The following ARID2 variants were observed in gnomAD, a reference collection of about 807,000 sequenced individuals.
ARID2 encodes the protein AT-rich interactive domain-containing protein 2.
ARID2 carries 32 observed loss-of-function variants against 184.6 expected under a neutral mutation model. The ratio of observed to expected loss-of-function variants is 0.17; its 90% confidence interval spans 0.13 to 0.23. ARID2 has a LOEUF of 0.23. ARID2 is among the 10% of genes least tolerant of loss of function. The pLI is 1.00. For synonymous variants in ARID2, 836 were observed against 772.6 expected, an observed-to-expected ratio of 1.08 and a Z score of -1.36; for missense variants, 1,696 against 2,197.6, an observed-to-expected ratio of 0.77 and a Z score of 4.56.
At chr12:45,785,947 G>A (rs1942189826) in intron 3 of ARID2, among the ~76,000 whole-genome samples, 1 of 152,142 alleles carries the variant, frequency 6.6e-6, no homozygotes, top group Non-Finnish European at 1.5e-5. Flanking sequence ...TGGGAAAATT[G>A]TCTTCCATGA....
In ARID2 at chr12:45,905,026, A is replaced by G; in HGVS notation, c.5456A>G (p.Asn1819Ser). The G allele has an allele frequency of 6.2e-7, 1 of 1,614,038 alleles. No homozygotes were observed. The highest frequency in any genetic ancestry group is 8.5e-7 in the Non-Finnish European group (1 of 1,179,982). ...STLAKCLYEL[N>S]FTVQSKEQEK... is the part of the protein sequence containing the mutation. Reference sequence around the variant, plus strand: ...CTTGCCAAATGCCTTTATGAACTTAATTTTACAGTTCAGAGTAAGGAACAA... The same window carrying G: ...CTTGCCAAATGCCTTTATGAACTTAGTTTTACAGTTCAGAGTAAGGAACAA... Residue 1819 changes from asparagine (N) to serine (S), a missense_variant, in exon 21 of 21, where the codon AAT becomes AGT. By Grantham distance (46) the Asn-to-Ser change is conservative (BLOSUM62 1). Coordinates refer to ENST00000334344, the MANE Select transcript of ARID2 (RefSeq NM_152641.4).
At chr12:45,758,284 C>T (rs909271724) in intron 3 of ARID2, among the ~76,000 whole-genome samples, 1 of 152,154 alleles carries the variant, frequency 6.6e-6, no homozygotes, top group Non-Finnish European at 1.5e-5. Context: ...ATACAACAAG[C>T]TTGTCCAACA....
At chr12:45,782,993 G>A (rs1308040822) in intron 3 of ARID2, among the ~76,000 whole-genome samples, 1 of 151,848 alleles carries the variant, frequency 6.6e-6, no homozygotes, top group African/African-American at 2.4e-5. Flanking sequence ...AGGGGTGGTC[G>A]TGCGCACCTG....
Position 45,837,412 on chromosome 12 carries a change from T to C in ARID2, c.1115T>C (p.Met372Thr). ...ATGTCAAGGGATAGATTTTTAAAGA[T>C]GAGAGGTGAGTTTTCACTGAAGTAT... ...CLMSRDRFLKMRGMEILGNLC... is the reference protein window; with the variant it reads ...CLMSRDRFLKTRGMEILGNLC... The change falls in exon 9 of 21, where the codon ATG becomes ACG. Residue 372 changes from methionine to threonine, a missense_variant. Transcript: ENST00000334344. The C allele has an allele frequency of 6.2e-7, 1 of 1,611,618 alleles. No homozygotes were observed.
intron 3 of ARID2, among the ~76,000 whole-genome samples, chr12:45,776,681 G>A (rs912932234): frequency 1.3e-5 from 2 of 151,826 alleles, no homozygotes; most frequent in Non-Finnish European, 2.9e-5. Flanking sequence ...TGGGCATGGT[G>A]GATCATGCCT....
At chr12:45,769,321 A>G (rs1941826808) in intron 3 of ARID2, among the ~76,000 whole-genome samples, 1 of 152,236 alleles carries the variant, frequency 6.6e-6, no homozygotes, top group Non-Finnish European at 1.5e-5. Context: ...TTTTTTATCA[A>G]ATAGAGAATG....
chr12:45,762,288 G>A (rs894763148), intron 3 of ARID2, among the ~76,000 whole-genome samples: 21 of 152,040 alleles, frequency 1.4e-4, no homozygotes, highest in African/African-American at 5.1e-4. Flanking sequence ...GACATACACC[G>A]AGCTCAGCCA....
intron 3 of ARID2, chr12:45,776,177 A>G (rs1941976117): frequency 1.2e-5 from 2 of 161,132 alleles, no homozygotes; most frequent in South Asian, 2.0e-4. Flanking sequence ...TAGAAATGCA[A>G]ATATTCAGAC....
rs140296789 is a variant in ARID2 at position 45,804,385 on chromosome 12, A to G, written c.285-7033A>G. ...GAGTTTAATTGTTATGAAATTTTCAATATTGAACTATCACTGGACTTCCAC... is the reference window on the plus strand; with the variant it reads ...GAGTTTAATTGTTATGAAATTTTCAGTATTGAACTATCACTGGACTTCCAC... On this transcript the variant is annotated intron_variant, in intron 3 of 20. Coordinates refer to ENST00000334344, the MANE Select transcript of ARID2 (RefSeq NM_152641.4). Among the ~76,000 whole-genome samples, 226 of 152,116 alleles carry G rather than the reference A, an allele frequency of 1.5e-3. 1 individual carries two copies. The highest frequency in any genetic ancestry group is 5.0e-3 in the African/African-American group (207 of 41,512).
intron 15 of ARID2, among the ~76,000 whole-genome samples, chr12:45,856,253 G>C (rs576038964): frequency 2.6e-5 from 4 of 151,278 alleles, no homozygotes; most frequent in African/African-American, 9.7e-5. Flanking sequence ...ATTTTTAATA[G>C]AGACTGGGTT....
Position 45,813,397 on chromosome 12 carries a change from C to A in ARID2, c.418+1846C>A, listed in dbSNP as rs999289486. Among the ~76,000 whole-genome samples the A allele has an allele frequency of 3.0e-4, 44 of 145,250 alleles. 1 individual carries two copies. Among genetic ancestry groups the A allele is most frequent in the Non-Finnish European group, 6.3e-4 (42 of 66,696 alleles). The stretch of plus-strand genomic sequence containing the variant: ...TAAAGCAAATAAGTCATTAATTTTT[C>A]TTTTAATGTGTTATTAAGGAAAATA... On this transcript the variant is annotated intron_variant, in intron 4 of 20. Coordinates refer to ENST00000334344, the MANE Select transcript of ARID2 (RefSeq NM_152641.4).
At chr12:45,776,546 T>C (rs1941983245) in intron 3 of ARID2, among the ~76,000 whole-genome samples, 1 of 152,240 alleles carries the variant, frequency 6.6e-6, no homozygotes, top group African/African-American at 2.4e-5. Context: ...TTTAAAATCC[T>C]GTACTGTGGG....
intron 4 of ARID2, among the ~76,000 whole-genome samples, chr12:45,816,878 G>A (rs1942813121): frequency 6.6e-6 from 1 of 152,198 alleles, no homozygotes; most frequent in African/African-American, 2.4e-5. Context: ...AGTACCTAGT[G>A]GTAGGGGATG....
At chr12:45,807,351 T>C (rs1408458010) in intron 3 of ARID2, among the ~76,000 whole-genome samples, 1 of 152,176 alleles carries the variant, frequency 6.6e-6, no homozygotes, top group Non-Finnish European at 1.5e-5. Context: ...GATCCAAGAA[T>C]AGTCAAGAGT....
At chr12:45,858,410 T>A (rs146204663) in intron 15 of ARID2, among the ~76,000 whole-genome samples, 152 of 152,304 alleles carry the variant, frequency 1.0e-3, no homozygotes, top group African/African-American at 3.5e-3. Flanking sequence ...TCCTTGCTCT[T>A]TAACCCCTCC....
intron 3 of ARID2, among the ~76,000 whole-genome samples, chr12:45,737,461 T>C (rs1941154524): frequency 6.6e-6 from 1 of 151,846 alleles, no homozygotes; most frequent in Non-Finnish European, 1.5e-5. Context: ...TGGTGTCAAT[T>C]AACTTGTTCC....
intron 3 of ARID2, among the ~76,000 whole-genome samples, chr12:45,809,220 CAAT>C (rs1161489931): frequency 2.0e-5 from 3 of 152,208 alleles, no homozygotes; most frequent in African/African-American, 7.2e-5. Flanking sequence ...AACCATTCCA[CAAT>C]GAGTTCAAAC....
chr12:45,875,056 G>A (rs541352988), intron 16 of ARID2, among the ~76,000 whole-genome samples: 44 of 152,302 alleles, frequency 2.9e-4, no homozygotes, highest in Non-Finnish European at 4.7e-4. Context: ...CCAGGAGGCG[G>A]AGTTTGCAGT....
intron 20 of ARID2, among the ~76,000 whole-genome samples, chr12:45,899,530 CAG>C (rs1944419414): frequency 6.7e-6 from 1 of 150,164 alleles, no homozygotes; most frequent in Non-Finnish European, 1.5e-5. Flanking sequence ...GGCGTGAACA[CAG>C]GAGGCGGAGC....
Sources: allele counts gnomAD v4.1 joint callset (sites outside exome capture counted in the v4.1 genomes callset), GRCh38; gene constraint gnomAD v4.1.1; transcripts MANE v1.5; gene names NCBI Gene and HGNC (gene_info 2026-07-23, HGNC 2026-07-21).